Variants in EPHA6 observed in about 807,000 individuals in gnomAD.
EPHA6 encodes ephrin type-A receptor 6.
In EPHA6, 50 loss-of-function variants were observed where a neutral mutation model predicts 112.0. The observed-to-expected ratio is 0.45, with a 90% CI of 0.36 to 0.56. The LOEUF (loss-of-function observed/expected upper bound fraction) is 0.56. Ranked by LOEUF, EPHA6 falls within the 20% of genes least tolerant of loss-of-function variation. The pLI is 0.00. For missense variants in EPHA6, 1,280 were observed against 1,417.4 expected (o/e 0.90, Z 1.56); for synonymous variants, 529 against 490.7 (o/e 1.08, Z -1.03).
At chr3:97,500,403 A>G (rs1201319272) in intron 10 of EPHA6, among the ~76,000 whole-genome samples, 1 of 152,124 alleles carries the variant, frequency 6.6e-6, no homozygotes, top group Non-Finnish European at 1.5e-5. Context: ...TAATGGTGGA[A>G]GGTGAAGGGG....
chr3:97,071,887 G>A (rs1162586374), intron 3 of EPHA6, among the ~76,000 whole-genome samples: 13 of 151,740 alleles, frequency 8.6e-5, no homozygotes, highest in African/African-American at 2.2e-4. Context: ...ATTTTCCCCC[G>A]AGTCCCCCAT....
rs1244616751 is a variant in EPHA6 at position 97,754,905 on chromosome 3, G to T, written c.*6204G>T. Among the ~76,000 whole-genome samples, 2 of 151,966 alleles carry T rather than the reference G, an allele frequency of 1.3e-5. No homozygotes were observed. The highest frequency in any genetic ancestry group is 6.6e-5 in the Admixed American group (1 of 15,258). On this transcript the variant is annotated 3_prime_UTR_variant, in exon 18 of 18. Coordinates refer to ENST00000389672, the MANE Select transcript of EPHA6 (RefSeq NM_001080448.3). ...TTTTTAGTAGAGACGGAGTTTCACC[G>T]TGTTAGCCAGGATGGTCTCGATCTC...
intron 11 of EPHA6, among the ~76,000 whole-genome samples, chr3:97,562,807 T>A (rs896593331): frequency 3.9e-5 from 6 of 152,108 alleles, no homozygotes; most frequent in African/African-American, 1.4e-4. Context: ...TTTTCAGAAA[T>A]TGCCACAGCC....
intron 1 of EPHA6, among the ~76,000 whole-genome samples, chr3:96,866,260 G>T (rs2036303378): frequency 6.6e-6 from 1 of 152,040 alleles, no homozygotes; most frequent in Non-Finnish European, 1.5e-5. Context: ...GTCAGGAAAA[G>T]AGATAGATGG....
At chr3:96,845,863 A>G (rs565244219) in intron 1 of EPHA6, among the ~76,000 whole-genome samples, 1 of 152,090 alleles carries the variant, frequency 6.6e-6, no homozygotes, top group South Asian at 2.1e-4. Context: ...TGGTTAGCTA[A>G]TCTTGTCATG....
intron 11 of EPHA6, among the ~76,000 whole-genome samples, chr3:97,550,841 A>G (rs529463145): frequency 6.6e-6 from 1 of 152,242 alleles, no homozygotes; most frequent in East Asian, 1.9e-4. Context: ...GTAAGTACAT[A>G]TAGATGAAGG....
intron 2 of EPHA6, among the ~76,000 whole-genome samples, chr3:96,962,619 G>A (rs1559626088): frequency 6.7e-6 from 1 of 150,248 alleles, no homozygotes; most frequent in Non-Finnish European, 1.5e-5. Flanking sequence ...CAGAAAATTT[G>A]CACTGTCCCT....
intron 5 of EPHA6, among the ~76,000 whole-genome samples, chr3:97,350,932 T>A (rs1488398000): frequency 6.6e-6 from 1 of 152,124 alleles, no homozygotes; most frequent in East Asian, 1.9e-4. Flanking sequence ...AAATATGAGA[T>A]GTCAGGAAAT....
chr3:97,223,416 A>C (rs776215088), intron 3 of EPHA6, among the ~76,000 whole-genome samples: 23 of 152,222 alleles, frequency 1.5e-4, no homozygotes, highest in Non-Finnish European at 2.8e-4. Flanking sequence ...TAAAGCATGC[A>C]GATAGCTGAG....
intron 14 of EPHA6, among the ~76,000 whole-genome samples, chr3:97,682,987 C>T (rs566410455): frequency 4.0e-4 from 61 of 152,204 alleles, no homozygotes; most frequent in African/African-American, 1.3e-3. Context: ...CCAGCTACAA[C>T]GAAAACCTTC....
At chr3:97,154,047 C>T (rs1302869766) in intron 3 of EPHA6, among the ~76,000 whole-genome samples, 1 of 150,602 alleles carries the variant, frequency 6.6e-6, no homozygotes, top group Admixed American at 6.9e-5. Flanking sequence ...TGCCTGTAAT[C>T]CCAGCTACTC....
At chr3:96,991,413 G>GCC (rs1189779527) in intron 3 of EPHA6, among the ~76,000 whole-genome samples, 2 of 152,100 alleles carry the variant, frequency 1.3e-5, no homozygotes, top group Non-Finnish European at 2.9e-5. Context: ...GTCCAAGATA[G>GCC]CCCCTCATCT....
chr3:97,614,041 AT>A (rs1010116172), intron 13 of EPHA6, among the ~76,000 whole-genome samples: 6 of 152,204 alleles, frequency 3.9e-5, no homozygotes, highest in Non-Finnish European at 5.9e-5. Context: ...AGAACTTCCC[AT>A]TTTTTATAAC....
At chr3:97,642,607 G>A (rs1473492202) in intron 14 of EPHA6, among the ~76,000 whole-genome samples, 23 of 152,124 alleles carry the variant, frequency 1.5e-4, no homozygotes, top group South Asian at 1.0e-3. Flanking sequence ...GAGCTGATGG[G>A]GCTGAAAACC....
chr3:97,492,163 G>C, intron 10 of EPHA6, among the ~76,000 whole-genome samples: 1 of 131,926 alleles, frequency 7.6e-6, no homozygotes, highest in African/African-American at 4.0e-5. Context: ...GACTATTTTT[G>C]CTTTGCACCC....
At chr3:97,406,767 C>A (rs1314072062) in intron 6 of EPHA6, among the ~76,000 whole-genome samples, 1 of 152,088 alleles carries the variant, frequency 6.6e-6, no homozygotes, top group Non-Finnish European at 1.5e-5. Context: ...TAAGAAAGGA[C>A]AAATTTACTG....
At chr3:97,347,797 T>G (rs2108882454) in intron 5 of EPHA6, among the ~76,000 whole-genome samples, 1 of 152,186 alleles carries the variant, frequency 6.6e-6, no homozygotes, top group South Asian at 2.1e-4. Flanking sequence ...TTCCATAAAC[T>G]TCAGCATTTC....
At chr3:97,174,845 G>T (rs1320610246) in intron 3 of EPHA6, among the ~76,000 whole-genome samples, 1 of 151,856 alleles carries the variant, frequency 6.6e-6, no homozygotes, top group Non-Finnish European at 1.5e-5. Context: ...CATTCAGTGG[G>T]TTGTCTATTC....
chr3:97,519,967 A>ATTTTTT (rs570022502), intron 10 of EPHA6, among the ~76,000 whole-genome samples: 1 of 133,754 alleles, frequency 7.5e-6, no homozygotes, highest in Admixed American at 7.5e-5. Context: ...TTTGGATGCA[A>ATTTTTT]TTTTTTTTTT....
Sources: gnomAD v4.1 joint callset for allele counts (sites outside exome capture counted in the v4.1 genomes callset) on GRCh38, gnomAD v4.1.1 for gene constraint, MANE v1.5 for transcripts, NCBI Gene and HGNC (gene_info 2026-07-23, HGNC 2026-07-21) for gene names.